The following RNF214 variants were observed in gnomAD, a reference collection of about 807,000 sequenced individuals.
RNF214 encodes ring finger protein 214.
Under a neutral mutation model 75.9 loss-of-function variants are expected in RNF214, and 25 were observed. The observed-to-expected ratio is 0.33, with a 90% confidence interval of 0.24 to 0.46. RNF214 has a LOEUF of 0.46. Among genes scored for constraint, RNF214 ranks in the 20% least tolerant of loss-of-function variants. RNF214 has a pLI of 1.00. For missense variants in RNF214, 725 were observed against 857.5 expected, an observed-to-expected ratio of 0.85 and a Z score of 1.93; for synonymous variants, 314 against 308.8, an observed-to-expected ratio of 1.02 and a Z score of -0.18.
At position 117,245,175 on chromosome 11, in the gene RNF214, C is replaced by T. The variant is rs553585951; in HGVS notation, c.819+590C>T. Among the ~76,000 whole-genome samples the T allele has an allele frequency of 5.9e-4, 89 of 149,634 alleles. No homozygotes were observed. The Middle Eastern group carries it at 0.014, about 23-fold the overall frequency. On this transcript the variant is annotated intron_variant, in intron 5 of 14. Transcript: ENST00000300650. ...TTTACCAAAAATACAAAAAATGAGC[C>T]GGGCGTGGTGGTGTGCACCTGTGGT...
At chr11:117,240,048 TAA>T (rs139284124) in intron 4 of RNF214, among the ~76,000 whole-genome samples, 188 bp downstream of exon 4, 3 of 148,356 alleles carry the variant, frequency 2.0e-5, no homozygotes, top group Admixed American at 1.4e-4. Context: ...CAGTTACGTT[TAA>T]AAAAAAAAAT....
intron 6 of RNF214, among the ~76,000 whole-genome samples, chr11:117,251,156 T>A (rs1218953342): frequency 6.8e-6 from 1 of 147,348 alleles, no homozygotes; most frequent in Non-Finnish European, 1.5e-5. Flanking sequence ...GGTGGTGGCC[T>A]GGCAGAGGGG....
In RNF214 at chr11:117,237,073, T is replaced by C. The variant is rs2032930828; in HGVS notation, c.108-1528T>C. Among the ~76,000 whole-genome samples the C allele has an allele frequency of 2.0e-5, 3 of 152,142 alleles. No individual in the cohort carries two copies. The South Asian group carries it at 6.2e-4, about 32-fold the overall frequency. On this transcript the variant is annotated intron_variant, in intron 2 of 14. Coordinates refer to ENST00000300650, the MANE Select transcript of RNF214 (RefSeq NM_207343.4). ...TAACTCCCAGCAGGAAGGAATCAGC[T>C]TCGAGTGTTTTTATTAATATTATTG...
chr11:117,286,291 T>C lies in RNF214; in HGVS notation c.*1140T>C, dbSNP rs749455008. ...CTGTGGGTAGCTATCAGGAACTAGA[T>C]CATTTTCCACCTCTGCTTATTGTAC... On this transcript the variant is annotated 3_prime_UTR_variant, in exon 15 of 15. Transcript: ENST00000300650. 1 of 152,306 alleles carries C rather than the reference T, an allele frequency of 6.6e-6. No individual in the cohort carries two copies. Among genetic ancestry groups the C allele is most frequent in the African/African-American group, 2.4e-5 (1 of 41,460 alleles). 9.4% of individuals were successfully genotyped at this position (152,306 alleles called of 1,614,324 possible). A position where few individuals can be genotyped will look rare whatever the true frequency, so the allele number is the denominator to read the frequency against.
At position 117,244,440 on chromosome 11, in the gene RNF214, A is replaced by T. The variant is rs776242308; in HGVS notation, c.679-5A>T. 8 of 1,606,134 alleles carry T rather than the reference A, an allele frequency of 5.0e-6. No homozygotes were observed. The highest frequency in any genetic ancestry group is 5.9e-6 in the Non-Finnish European group (7 of 1,176,526). On this transcript the variant is annotated splice_polypyrimidine_tract_variant and splice_region_variant and intron_variant, in intron 4 of 14. Transcript: ENST00000300650. ...AATAAGCTTTTCTTGTCTTGTTCATAATAGGATAAAATGATGACAGAGAGA... is the reference window on the plus strand; with the variant it reads ...AATAAGCTTTTCTTGTCTTGTTCATTATAGGATAAAATGATGACAGAGAGA...
In RNF214 at chr11:117,239,051, G is replaced by A; in HGVS notation, c.558G>A (p.Val186=). ...CAAATGGGGTTGAAGGAGTCCGAGT[G>A]GATCAGGATGATGATCAAGATAGCT... is the stretch of plus-strand genomic sequence containing the variant. The part of the protein sequence containing the change: ...SPANGVEGVR[V]DQDDDQDSSS... Residue 186 remains valine, a synonymous_variant, in exon 3 of 15, where the codon GTG becomes GTA. Coordinates refer to ENST00000300650, the MANE Select transcript of RNF214 (RefSeq NM_207343.4). 1 of 1,614,094 alleles carries A rather than the reference G, an allele frequency of 6.2e-7. No individual in the cohort carries two copies. Among genetic ancestry groups the A allele is most frequent in the Non-Finnish European group, 8.5e-7 (1 of 1,180,038 alleles).
chr11:117,284,327 C>CT (rs1437291969), intron 14 of RNF214, among the ~76,000 whole-genome samples: 1 of 152,184 alleles, frequency 6.6e-6, no homozygotes, highest in African/African-American at 2.4e-5. Flanking sequence ...AGTTAAGTCT[C>CT]TTAGTAGCAG....
At chr11:117,285,054 T>C in intron 14 of RNF214, 32 bp from the exon 15 acceptor site, 2 of 1,525,368 alleles carry the variant, frequency 1.3e-6, no homozygotes, top group Non-Finnish European at 1.8e-6. Flanking sequence ...TTTTTCCAGA[T>C]AAACCTGAGG....
rs1188773281 is a variant in RNF214 at position 117,282,252 on chromosome 11, G to A, written c.1694G>A (p.Arg565Gln). ...AAGATCCTGGAGAAGCTGCTGACCC[G>A]GTTCCCACAGTGCAATAAGTAAGTA... The part of the protein sequence containing the change: ...LEKILEKLLT[R>Q]FPQCNKAQMT... Residue 565 changes from arginine to glutamine, a missense_variant, in exon 11 of 15, where the codon CGG becomes CAG. Around this residue, in one of 2 missense-constraint regions of RNF214, gnomAD observed 363 missense variants for 513.0 expected, o/e 0.71. Coordinates refer to ENST00000300650, the MANE Select transcript of RNF214 (RefSeq NM_207343.4). The A allele has an allele frequency of 1.9e-6, 3 of 1,596,630 alleles. No homozygotes were observed. The highest frequency in any genetic ancestry group is 1.3e-5 in the African/African-American group (1 of 74,410).
chr11:117,278,344 C>T (rs749151822), intron 6 of RNF214, among the ~76,000 whole-genome samples: 4 of 152,128 alleles, frequency 2.6e-5, no homozygotes, highest in Non-Finnish European at 5.9e-5. Flanking sequence ...AGCTTTTCTT[C>T]TTATTTTATT....
chr11:117,285,242 C>T lies in RNF214; in HGVS notation c.*91C>T. ...CTAAAACTCTATATTTATACAGTGA[C>T]ATATACTCATGCCATGTACATTTTT... On this transcript the variant is annotated 3_prime_UTR_variant, in exon 15 of 15. Transcript: ENST00000300650. 1.2e-6 allele frequency: 1 copy of T among 822,498 alleles called. No homozygotes were observed. Among genetic ancestry groups the T allele is most frequent in the East Asian group, 2.4e-5 (1 of 40,928 alleles). The allele number at this position is 822,498 out of a possible 1,614,324, so 50.9% of individuals were successfully genotyped here.
chr11:117,265,320 T>C (rs1379393991), intron 6 of RNF214, among the ~76,000 whole-genome samples: 1 of 152,344 alleles, frequency 6.6e-6, no homozygotes, highest in Non-Finnish European at 1.5e-5. Context: ...TGCCAGTGGA[T>C]TCAGAAAGAT....
chr11:117,276,370 G>T (rs990130211), intron 6 of RNF214, among the ~76,000 whole-genome samples: 1 of 152,182 alleles, frequency 6.6e-6, no homozygotes, highest in African/African-American at 2.4e-5. Flanking sequence ...AGAGCTTTGG[G>T]AGGCCAGTTC....
rs373717554 is a variant in RNF214 at position 117,244,531 on chromosome 11, A to G, written c.765A>G (p.Gln255=). 99 of 1,612,812 alleles carry G rather than the reference A, an allele frequency of 6.1e-5. No homozygotes were observed. Among genetic ancestry groups the G allele is most frequent in the Non-Finnish European group, 7.5e-5 (88 of 1,179,350 alleles). ...AGAGGCAAGTGGAGAATCAGCTCCA[A>G]GTGCAATTAAAGCAGCTTCAGCAAA... ...DKQRQVENQL[Q]VQLKQLQQRR... Residue 255 remains glutamine (Q), a synonymous_variant, in exon 5 of 15, where the codon CAA becomes CAG. Transcript: ENST00000300650.
rs574472979 is a variant in RNF214, at chr11:117,234,840, A to G, written c.107+461A>G. On this transcript the variant is annotated intron_variant, in intron 2 of 14. Transcript: ENST00000300650. ...ATTAGCTATATAGTCATCCCACAGTATATGCTGGAGATTGGTTCCAGGACC... is the reference window on the plus strand; with the variant it reads ...ATTAGCTATATAGTCATCCCACAGTGTATGCTGGAGATTGGTTCCAGGACC... Among the ~76,000 whole-genome samples the G allele has an allele frequency of 2.0e-5, 3 of 152,312 alleles. No homozygotes were observed. The East Asian group carries it at 5.8e-4, about 29-fold the overall frequency.
chr11:117,236,866 A>G lies in RNF214; in HGVS notation c.108-1735A>G, dbSNP rs1255543577. ...CTATGTGCCAGGCACTGTACTGAGTACTTTATGTGCATTATCTCATGTAAT... is the reference window on the plus strand; with the variant it reads ...CTATGTGCCAGGCACTGTACTGAGTGCTTTATGTGCATTATCTCATGTAAT... On this transcript the variant is annotated intron_variant, in intron 2 of 14. Transcript: ENST00000300650. Among the ~76,000 whole-genome samples, 2 of 152,116 alleles carry G rather than the reference A, an allele frequency of 1.3e-5. 1 individual carries two copies. The highest frequency in any genetic ancestry group is 2.9e-5 in the Non-Finnish European group (2 of 68,030).
At position 117,282,215 on chromosome 11, in the gene RNF214, G is replaced by C. The variant is rs201310487; in HGVS notation, c.1657G>C (p.Asp553His). ...TGAAACTCCCCGGCCCCAACCAGTA[G>C]ACAAACTGGAGAAGATCCTGGAGAA... The part of the protein sequence containing the change: ...SAETPRPQPV[D>H]KLEKILEKLL... The change falls in exon 11 of 15, where the codon GAC becomes CAC. Residue 553 changes from aspartate (D) to histidine (H), a missense_variant. Physicochemically the swap from Asp to His is moderately conservative, Grantham distance 81. Around this residue, in one of 2 missense-constraint regions of RNF214, gnomAD observed 363 missense variants for 513.0 expected, o/e 0.71. Transcript: ENST00000300650. 1 of 1,611,088 alleles carries C rather than the reference G, an allele frequency of 6.2e-7. No individual in the cohort carries two copies. Among genetic ancestry groups the C allele is most frequent in the Non-Finnish European group, 8.5e-7 (1 of 1,178,296 alleles).
At position 117,264,138 on chromosome 11, in the gene RNF214, C is replaced by T. The variant is rs557496875; in HGVS notation, c.960-15770C>T. 7.8e-4 allele frequency among the ~76,000 whole-genome samples: 118 copies of T among 152,038 alleles called. 5 individuals are homozygous for T. In the South Asian group the frequency reaches 0.023, roughly 30 times the overall value. On this transcript the variant is annotated intron_variant, in intron 6 of 14. Coordinates refer to ENST00000300650, the MANE Select transcript of RNF214 (RefSeq NM_207343.4). ...GAGATCGAGACCATCCTGGCTAACA[C>T]GGTGAAACCCCGTCTCTACTAAAAA...
At chr11:117,243,572 A>G (rs1430141397) in intron 4 of RNF214, among the ~76,000 whole-genome samples, 4 of 152,202 alleles carry the variant, frequency 2.6e-5, no homozygotes, top group African/African-American at 9.7e-5. Context: ...TTTAAATATT[A>G]TATGGGCTAC....
Sources: allele counts gnomAD v4.1 joint callset (sites outside exome capture counted in the v4.1 genomes callset), GRCh38; gene constraint gnomAD v4.1.1; regional missense constraint gnomAD v4.1.1; transcripts MANE v1.5; gene names NCBI Gene and HGNC (gene_info 2026-07-23, HGNC 2026-07-21).